Variants in CLIP4 observed in about 807,000 individuals in gnomAD.
CLIP4 encodes the protein CAP-Gly domain-containing linker protein 4.
A neutral mutation model predicts 73.1 loss-of-function variants in CLIP4; 47 were observed. The observed-to-expected ratio is 0.64, with a 90% CI of 0.51 to 0.82. The LOEUF (loss-of-function observed/expected upper bound fraction) is 0.82, where lower values mean the gene tolerates loss of function less well. Ranked by LOEUF, CLIP4 falls within the 40% of genes least tolerant of loss-of-function variation. CLIP4 has a pLI of 0.00. For missense variants in CLIP4, 874 were observed against 852.9 expected (o/e 1.02, Z -0.31); for synonymous variants, 306 against 295.4 (o/e 1.04, Z -0.37).
At chr2:29,145,600 G>C (rs1666102979) in intron 8 of CLIP4, among the ~76,000 whole-genome samples, 1 of 152,162 alleles carries the variant, frequency 6.6e-6, no homozygotes, top group Admixed American at 6.5e-5. Flanking sequence ...ACATTTCCAG[G>C]AGGAAAGTCC....
At chr2:29,152,081 A>C in intron 8 of CLIP4, among the ~76,000 whole-genome samples, 1 of 152,182 alleles carries the variant, frequency 6.6e-6, no homozygotes, top group African/African-American at 2.4e-5. Flanking sequence ...AACACACTGT[A>C]ATTAGGTACA....
At chr2:29,176,259 G>A (rs1301632780) in intron 15 of CLIP4, among the ~76,000 whole-genome samples, 1 of 152,198 alleles carries the variant, frequency 6.6e-6, no homozygotes, top group African/African-American at 2.4e-5. Context: ...AGTTGATTGT[G>A]TGTTGTGCTG....
chr2:29,125,274 A>T (rs1664522475), intron 2 of CLIP4, among the ~76,000 whole-genome samples: 1 of 152,180 alleles, frequency 6.6e-6, no homozygotes, highest in African/African-American at 2.4e-5. Flanking sequence ...AATTATGAGG[A>T]TTCTTTTTCA....
At chr2:29,174,087 G>A (rs926378481) in intron 14 of CLIP4, among the ~76,000 whole-genome samples, 7 of 151,724 alleles carry the variant, frequency 4.6e-5, no homozygotes, top group Non-Finnish European at 7.4e-5. Context: ...CTAAACTACC[G>A]TTATATTCTG....
In CLIP4 at chr2:29,167,541, G is replaced by A. The variant is rs1667704333; in HGVS notation, c.1723+1G>A. 1.3e-6 allele frequency: 2 copies of A among 1,593,186 alleles called. No individual in the cohort carries two copies. Among genetic ancestry groups the A allele is most frequent in the Non-Finnish European group, 1.7e-6 (2 of 1,169,994 alleles). On this transcript the variant is annotated splice_donor_variant, in intron 14 of 15. Transcript: ENST00000320081. LOFTEE classifies it high-confidence loss of function. ...AATAAACAGAACCATTCTTATCCTG[G>A]TAAGACTACACAGTTTTGTGTTCCT...
chr2:29,104,049 T>A (rs1668131680), intron 1 of CLIP4, among the ~76,000 whole-genome samples: 1 of 152,052 alleles, frequency 6.6e-6, no homozygotes, highest in Non-Finnish European at 1.5e-5. Flanking sequence ...TCCCAGGAAC[T>A]CCCTCAGTCC....
chr2:29,143,999 T>C, intron 7 of CLIP4, 54 bp downstream of exon 7: 1 of 1,437,160 alleles, frequency 7.0e-7, no homozygotes, highest in Non-Finnish European at 9.6e-7. Flanking sequence ...CCATGACCTA[T>C]GTTCAAGGAC....
chr2:29,122,325 C>T (rs1664311663), intron 2 of CLIP4, among the ~76,000 whole-genome samples: 1 of 149,934 alleles, frequency 6.7e-6, no homozygotes. Flanking sequence ...GTGCCTTGAT[C>T]TTGGGAGTTA....
intron 2 of CLIP4, 71 bp from the exon 3 acceptor site, chr2:29,131,187 A>T: frequency 1.6e-6 from 2 of 1,264,444 alleles, no homozygotes; most frequent in Admixed American, 2.5e-5. Flanking sequence ...CCTTGGTTTT[A>T]TTGTTTATTA....
At chr2:29,119,295 T>C (rs1405068337) in intron 1 of CLIP4, among the ~76,000 whole-genome samples, 1 of 152,230 alleles carries the variant, frequency 6.6e-6, no homozygotes, top group African/African-American at 2.4e-5. Context: ...CTATTCTAGC[T>C]CCTGTGGTGA....
intron 15 of CLIP4, among the ~76,000 whole-genome samples, chr2:29,175,830 C>G (rs190982887): frequency 6.6e-6 from 1 of 152,036 alleles, no homozygotes; most frequent in Non-Finnish European, 1.5e-5. Flanking sequence ...GGCGTGATCT[C>G]GGCTCACTGC....
At position 29,181,959 on chromosome 2, in the gene CLIP4, G is replaced by A; in HGVS notation, c.*66G>A. 2.3e-6 allele frequency: 3 copies of A among 1,326,866 alleles called. No homozygotes were observed. Among genetic ancestry groups the A allele is most frequent in the Non-Finnish European group, 3.1e-6 (3 of 976,182 alleles). The allele number at this position is 1,326,866 out of a possible 1,614,324, so 82.2% of individuals were successfully genotyped here. ...TGTAAATAAAGAGTCCATGGTAAAT[G>A]GTTTACTTTATTTAGCCATATTAAA... On this transcript the variant is annotated 3_prime_UTR_variant, in exon 16 of 16. Transcript: ENST00000320081.
chr2:29,176,379 A>G (rs1041079382), intron 15 of CLIP4, among the ~76,000 whole-genome samples: 5 of 152,224 alleles, frequency 3.3e-5, no homozygotes, highest in Non-Finnish European at 7.3e-5. Context: ...ATGGAAATAA[A>G]TGATACTTTG....
chr2:29,169,740 C>T (rs1667882216), intron 14 of CLIP4, among the ~76,000 whole-genome samples: 1 of 152,054 alleles, frequency 6.6e-6, no homozygotes, highest in Non-Finnish European at 1.5e-5. Flanking sequence ...TCGATCTTTT[C>T]TTTGTGTTGG....
intron 14 of CLIP4, among the ~76,000 whole-genome samples, chr2:29,171,755 T>G (rs1218360079): frequency 6.6e-6 from 1 of 152,120 alleles, no homozygotes; most frequent in Non-Finnish European, 1.5e-5. Flanking sequence ...CCTGACCTTG[T>G]GATCTGCCCG....
intron 1 of CLIP4, among the ~76,000 whole-genome samples, chr2:29,117,775 G>A (rs998620205): frequency 6.6e-6 from 1 of 152,216 alleles, no homozygotes; most frequent in Non-Finnish European, 1.5e-5. Context: ...CTTGGTCATA[G>A]CACTTACTAC....
intron 1 of CLIP4, among the ~76,000 whole-genome samples, chr2:29,109,964 A>G (rs1442794093): frequency 6.6e-6 from 1 of 152,174 alleles, no homozygotes; most frequent in African/African-American, 2.4e-5. Flanking sequence ...AGGCTGAGGC[A>G]GGAGAATCGC....
intron 8 of CLIP4, among the ~76,000 whole-genome samples, chr2:29,145,645 A>T (rs1666109053): frequency 6.6e-6 from 1 of 152,132 alleles, no homozygotes; most frequent in South Asian, 2.1e-4. Context: ...TTTCAGTATA[A>T]GAGTTAGCCT....
chr2:29,103,689 CTG>C (rs1668116378), intron 1 of CLIP4, among the ~76,000 whole-genome samples: 1 of 150,870 alleles, frequency 6.6e-6, no homozygotes, highest in Non-Finnish European at 1.5e-5. Context: ...TGGCACTGCT[CTG>C]TTTTTTTTTT....
Sources: allele counts gnomAD v4.1 joint callset (sites outside exome capture counted in the v4.1 genomes callset), GRCh38; gene constraint gnomAD v4.1.1; transcripts MANE v1.5; gene names NCBI Gene and HGNC (gene_info 2026-07-23, HGNC 2026-07-21).